ATF7IP: variants seen among roughly 807,000 people sequenced by gnomAD.
ATF7IP encodes the protein activating transcription factor 7 interacting protein.
A neutral mutation model predicts 106.4 loss-of-function variants in ATF7IP; 23 were observed. The ratio of observed to expected loss-of-function variants is 0.22; its 90% CI spans 0.16 to 0.31. The LOEUF is 0.31. Among genes scored for constraint, ATF7IP ranks in the 10% least tolerant of loss-of-function variants. The probability of loss-of-function intolerance (pLI) is 1.00; values close to 1 mark genes in which losing one functional copy is unlikely to be tolerated. For synonymous variants in ATF7IP, 542 were observed against 539.0 expected, an observed-to-expected ratio of 1.01 and a Z score of -0.08; for missense variants, 1,334 against 1,524.3, an observed-to-expected ratio of 0.88 and a Z score of 2.08.
At chr12:14,430,302 T>C (rs954264951) in intron 2 of ATF7IP, among the ~76,000 whole-genome samples, 2 of 152,120 alleles carry the variant, frequency 1.3e-5, no homozygotes, top group Non-Finnish European at 2.9e-5. Flanking sequence ...TATTTAACAA[T>C]CTGGAGATCA....
chr12:14,456,630 T>G lies in ATF7IP; in HGVS notation c.2065T>G (p.Tyr689Asp). 1 of 1,603,826 alleles carries G rather than the reference T, an allele frequency of 6.2e-7. No individual in the cohort carries two copies. The highest frequency in any genetic ancestry group is 8.5e-7 in the Non-Finnish European group (1 of 1,171,938). Residue 689 changes from tyrosine to aspartate, a missense_variant, in exon 7 of 15, where the codon TAC (tyrosine) becomes GAC (aspartate). Coordinates refer to ENST00000261168, the MANE Select transcript of ATF7IP (RefSeq NM_018179.5). ...NDVNSNNNMSYRNAGTVRQML... is the reference protein window; with the variant it reads ...NDVNSNNNMSDRNAGTVRQML... ...TGTCAACAGCAATAATAACATGTCT[T>G]ACAGGTGAGAATTCATAGTCTGTCT...
Position 14,446,973 on chromosome 12 carries a change from T to TC in ATF7IP, c.1930-15_1930-14insC. ...TTTGATTTCCATTCATTTTTGTCTT[T>TC]TTTTTTTTTTTCAGGCCAAGATAGC... On this transcript the variant is annotated splice_polypyrimidine_tract_variant and intron_variant, in intron 5 of 14. Coordinates refer to ENST00000261168, the MANE Select transcript of ATF7IP (RefSeq NM_018179.5). 6.6e-7 allele frequency: 1 copy of TC among 1,512,638 alleles called. No homozygotes were observed. Among genetic ancestry groups the TC allele is most frequent in the Non-Finnish European group, 8.9e-7 (1 of 1,127,770 alleles). 93.7% of individuals were successfully genotyped at this position (1,512,638 alleles called of 1,614,324 possible).
intron 1 of ATF7IP, among the ~76,000 whole-genome samples, chr12:14,409,351 A>C (rs1940781794): frequency 1.3e-5 from 2 of 152,126 alleles, no homozygotes; most frequent in Non-Finnish European, 2.9e-5. Flanking sequence ...CCTCATTTAA[A>C]AACATTTATC....
At chr12:14,496,377 A>C in intron 14 of ATF7IP, 34 bp downstream of exon 14, 3 of 1,379,666 alleles carry the variant, frequency 2.2e-6, no homozygotes, top group Non-Finnish European at 3.1e-6. Context: ...CAAAATTCTC[A>C]ACTGTAGAGG....
chr12:14,487,676 T>A (rs183513830), intron 13 of ATF7IP, among the ~76,000 whole-genome samples: 3 of 152,290 alleles, frequency 2.0e-5, no homozygotes, highest in Non-Finnish European at 1.5e-5. Context: ...TGATAAGAGC[T>A]TGTGTCTGTT....
At chr12:14,390,150 C>G (rs1258635538) in intron 1 of ATF7IP, among the ~76,000 whole-genome samples, 1 of 152,156 alleles carries the variant, frequency 6.6e-6, no homozygotes, top group East Asian at 1.9e-4. Context: ...AAGACCTATC[C>G]TACGTATTTG....
intron 2 of ATF7IP, among the ~76,000 whole-genome samples, chr12:14,429,756 T>G (rs1441772914): frequency 1.3e-5 from 2 of 152,242 alleles, no homozygotes; most frequent in Non-Finnish European, 2.9e-5. Context: ...TCAATCCATT[T>G]ATATTTAGCT....
chr12:14,398,696 G>A (rs1186866968), intron 1 of ATF7IP, among the ~76,000 whole-genome samples: 1 of 151,538 alleles, frequency 6.6e-6, no homozygotes, highest in East Asian at 1.9e-4. Context: ...GAATTTATTA[G>A]TTTTTTCCTG....
At chr12:14,429,554 G>A (rs1417671063) in intron 2 of ATF7IP, among the ~76,000 whole-genome samples, 1 of 151,994 alleles carries the variant, frequency 6.6e-6, no homozygotes, top group African/African-American at 2.4e-5. Flanking sequence ...TCCTCCCCTT[G>A]TTCATTGGAT....
chr12:14,415,462 G>C (rs893432886), intron 1 of ATF7IP, among the ~76,000 whole-genome samples: 14 of 152,154 alleles, frequency 9.2e-5, no homozygotes, highest in African/African-American at 3.4e-4. Context: ...CTCCTGCCTT[G>C]TCTGGGGAAT....
At position 14,494,967 on chromosome 12, in the gene ATF7IP, A is replaced by AG. The variant is rs1418847465; in HGVS notation, c.3281-1262dup. 2.1e-5 allele frequency among the ~76,000 whole-genome samples: 3 copies of AG among 145,596 alleles called. No homozygotes were observed. In the East Asian group the frequency reaches 6.3e-4, roughly 31 times the overall value. On this transcript the variant is annotated intron_variant, in intron 13 of 14. Transcript: ENST00000261168. Reference sequence around the variant, plus strand: ...AAAAAAAAAAAAAAGATCCCACAGTAGGCTGTCTGCAAGCTGAGGAGCAAG... The same window carrying AG: ...AAAAAAAAAAAAAAGATCCCACAGTAGGGCTGTCTGCAAGCTGAGGAGCAAG...
rs1218736444 is a variant in ATF7IP, at chr12:14,438,248, C to T, written c.1910C>T (p.Thr637Ile). The change falls in exon 5 of 15, where the codon ACA becomes ATA. Residue 637 changes from threonine to isoleucine, a missense_variant. Around this residue, in one of 10 missense-constraint regions of ATF7IP, gnomAD observed 171 missense variants for 172.6 expected, o/e 0.99. Coordinates refer to ENST00000261168, the MANE Select transcript of ATF7IP (RefSeq NM_018179.5). The part of the protein sequence containing the change: ...EKIECNKRHK[T>I]VLTELQAKIA... ...ATTGAATGTAACAAGAGGCATAAAA[C>T]AGTTCTCACTGAACTACAGGTTTGT... The T allele has an allele frequency of 2.5e-6, 4 of 1,612,712 alleles. No homozygotes were observed. The South Asian group carries it at 3.3e-5, about 13-fold the overall frequency.
chr12:14,493,325 C>CT (rs767869974), intron 13 of ATF7IP, among the ~76,000 whole-genome samples: 1 of 152,150 alleles, frequency 6.6e-6, no homozygotes, highest in Non-Finnish European at 1.5e-5. Flanking sequence ...AGCATACCTC[C>CT]TTATAGGTCA....
intron 5 of ATF7IP, among the ~76,000 whole-genome samples, chr12:14,442,678 T>C (rs1424023866): frequency 6.6e-6 from 1 of 152,246 alleles, no homozygotes; most frequent in African/African-American, 2.4e-5. Context: ...CCAGGGACAA[T>C]TTGTTCAGTT....
intron 2 of ATF7IP, among the ~76,000 whole-genome samples, chr12:14,433,090 C>G (rs1942221548): frequency 6.6e-6 from 1 of 152,088 alleles, no homozygotes; most frequent in South Asian, 2.1e-4. Flanking sequence ...CCTTCTGGGC[C>G]AGTCGAGGTG....
chr12:14,481,561 A>G (rs1450176516), intron 13 of ATF7IP: 1 of 411,146 alleles, frequency 2.4e-6, no homozygotes, highest in Non-Finnish European at 4.7e-6. Context: ...CAAAAAAGAA[A>G]TGGCAGTATA....
At chr12:14,460,177 TTTTA>T (rs1943584169) in intron 8 of ATF7IP, among the ~76,000 whole-genome samples, 1 of 152,220 alleles carries the variant, frequency 6.6e-6, no homozygotes, top group Non-Finnish European at 1.5e-5. Flanking sequence ...TTTTAGTATT[TTTTA>T]TTTGTTTACT....
intron 1 of ATF7IP, chr12:14,395,153 C>T (rs778208188): frequency 6.6e-6 from 1 of 151,778 alleles, no homozygotes; most frequent in Non-Finnish European, 1.5e-5. Flanking sequence ...AGAAGGCTGA[C>T]CTAGAAGTCT....
intron 1 of ATF7IP, among the ~76,000 whole-genome samples, chr12:14,393,576 C>T (rs1314731178): frequency 6.6e-6 from 1 of 152,094 alleles, no homozygotes; most frequent in East Asian, 1.9e-4. Flanking sequence ...TAACTTTATG[C>T]GTCCCCTCAT....
Sources: allele counts gnomAD v4.1 joint callset (sites outside exome capture counted in the v4.1 genomes callset), GRCh38; gene constraint gnomAD v4.1.1; regional missense constraint gnomAD v4.1.1; transcripts MANE v1.5; gene names NCBI Gene and HGNC (gene_info 2026-07-23, HGNC 2026-07-21).